Variants in CACNA1A observed in about 807,000 individuals in gnomAD.
The protein encoded by CACNA1A is calcium voltage-gated channel subunit alpha1 A.
Under a neutral mutation model 262.4 loss-of-function variants are expected in CACNA1A, and 57 were observed. The ratio of observed to expected loss-of-function variants is 0.22; its 90% CI spans 0.18 to 0.27. The LOEUF (loss-of-function observed/expected upper bound fraction) is 0.27. CACNA1A is among the 10% of genes least tolerant of loss of function. The pLI is 1.00. For missense variants in CACNA1A, 2,526 were observed against 3,562.8 expected (o/e 0.71, Z 7.41); for synonymous variants, 1,431 against 1,419.3 (o/e 1.01, Z -0.18).
intron 1 of CACNA1A, among the ~76,000 whole-genome samples, chr19:13,468,517 T>C (rs1051034382): frequency 1.4e-4 from 22 of 152,234 alleles, no homozygotes; most frequent in Admixed American, 1.3e-3. Flanking sequence ...TCAGGCGCAG[T>C]GGCTCACACC....
intron 3 of CACNA1A, among the ~76,000 whole-genome samples, chr19:13,440,973 T>C (rs1490836776): frequency 6.6e-6 from 1 of 152,150 alleles, no homozygotes; most frequent in Non-Finnish European, 1.5e-5. Flanking sequence ...ACCCAGATAA[T>C]TTTTGCTTTG....
chr19:13,470,985 A>G (rs780815352), intron 1 of CACNA1A, among the ~76,000 whole-genome samples: 3 of 152,164 alleles, frequency 2.0e-5, no homozygotes, highest in Non-Finnish European at 4.4e-5. Flanking sequence ...AGGTTCTGAA[A>G]TTAGGGGGTT....
chr19:13,416,625 C>T (rs1230304597), intron 3 of CACNA1A, among the ~76,000 whole-genome samples: 1 of 151,934 alleles, frequency 6.6e-6, no homozygotes, highest in African/African-American at 2.4e-5. Flanking sequence ...ACAAGCCTGG[C>T]CGACATGGTA....
At chr19:13,340,339 C>G (rs560997174) in intron 6 of CACNA1A, among the ~76,000 whole-genome samples, 2 of 151,972 alleles carry the variant, frequency 1.3e-5, no homozygotes, top group South Asian at 2.1e-4. Flanking sequence ...TGTTTGAGCT[C>G]ATTTAATCCT....
intron 1 of CACNA1A, among the ~76,000 whole-genome samples, chr19:13,467,841 G>A (rs990660795): frequency 1.3e-5 from 2 of 151,986 alleles, no homozygotes. Flanking sequence ...CTGACCTCAG[G>A]TGATCCACCC....
chr19:13,339,528 A>G lies in CACNA1A; in HGVS notation c.979-3619T>C, dbSNP rs548622858. 2.0e-5 allele frequency among the ~76,000 whole-genome samples: 3 copies of G among 152,308 alleles called. No homozygotes were observed. The East Asian group carries it at 5.8e-4, about 29-fold the overall frequency. ...ATCCTTAAAAATGGTTAGGATGACAACAATATATTAATGGTTTCAAATAGC... is the reference window on the plus strand; with the variant it reads ...ATCCTTAAAAATGGTTAGGATGACAGCAATATATTAATGGTTTCAAATAGC... On this transcript the variant is annotated intron_variant, in intron 6 of 46. Coordinates refer to ENST00000360228, the MANE Select transcript of CACNA1A (RefSeq NM_001127222.2).
intron 7 of CACNA1A, among the ~76,000 whole-genome samples, chr19:13,335,598 C>T (rs1035615044): frequency 6.6e-6 from 1 of 152,080 alleles, no homozygotes; most frequent in Admixed American, 6.6e-5. Context: ...GAAAGTAAAG[C>T]CCATATGAAC....
chr19:13,503,263 C>T lies in CACNA1A; in HGVS notation c.293+2669G>A, dbSNP rs148078839. ...AAATGAACCTTAGAAGTCAGGTGAG[C>T]GGTACCCTTGTTGGGGGAGCAACTA... On this transcript the variant is annotated intron_variant, in intron 1 of 46. Transcript: ENST00000360228. 1.8e-4 allele frequency among the ~76,000 whole-genome samples: 27 copies of T among 152,140 alleles called. 1 individual carries two copies. The East Asian group carries it at 5.0e-3, about 28-fold the overall frequency.
At chr19:13,257,659 G>C (rs1371923279) in intron 27 of CACNA1A, 108 bp from the exon 28 acceptor site, 2 of 556,402 alleles carry the variant, frequency 3.6e-6, no homozygotes, top group Admixed American at 6.7e-5. Flanking sequence ...GGCAGAACAG[G>C]AACAGAGGGA....
Position 13,245,241 on chromosome 19 carries a change from T to C in CACNA1A, c.4891A>G (p.Ile1631Val), listed in dbSNP as rs539463134. 3.0e-5 allele frequency: 49 copies of C among 1,613,974 alleles called. No individual in the cohort carries two copies. The East Asian group carries it at 9.6e-4, about 32-fold the overall frequency. ...CCCAGAACAGTCACAAAGTCGAAGA[T>C]GTTCCAGGCATCGCGGAAATAATTC... ...ILNYFRDAWN[I>V]FDFVTVLGSI... Residue 1631 changes from isoleucine to valine, a missense_variant, in exon 31 of 47, where the codon ATC becomes GTC. This residue lies in a region of CACNA1A where 66 missense variants were observed against 195.8 expected (regional missense o/e 0.34). Transcript: ENST00000360228.
intron 30 of CACNA1A, among the ~76,000 whole-genome samples, chr19:13,247,432 G>A (rs1028185726): frequency 3.9e-5 from 6 of 152,272 alleles, no homozygotes; most frequent in South Asian, 2.1e-4. Flanking sequence ...GGTGGCTCAC[G>A]CCTGCAATCC....
At chr19:13,432,416 A>AAAATAAATAAATAAAT (rs201856945) in intron 3 of CACNA1A, among the ~76,000 whole-genome samples, 1,646 of 144,896 alleles carry the variant, frequency 0.011, 26 homozygotes, top group African/African-American at 0.027. Flanking sequence ...CTCCATCTCA[A>AAAATAAATAAATAAAT]AAATAAATAA....
At chr19:13,489,026 T>TTTTTTTTTTTTTTTG (rs1980421645) in intron 1 of CACNA1A, among the ~76,000 whole-genome samples, 1 of 133,948 alleles carries the variant, frequency 7.5e-6, no homozygotes, top group African/African-American at 3.0e-5. Flanking sequence ...TTTTTTTTTT[T>TTTTTTTTTTTTTTTG]TTTGAGACGG....
At chr19:13,369,445 A>C (rs1045312376) in intron 4 of CACNA1A, among the ~76,000 whole-genome samples, 4 of 152,128 alleles carry the variant, frequency 2.6e-5, no homozygotes, top group Admixed American at 2.6e-4. Flanking sequence ...GCCGTCCCCC[A>C]ATAAAGCAGG....
At chr19:13,317,833 A>C (rs577651358) in intron 10 of CACNA1A, among the ~76,000 whole-genome samples, 4 of 152,334 alleles carry the variant, frequency 2.6e-5, no homozygotes, top group African/African-American at 9.6e-5. Context: ...GCATTTATTG[A>C]GTACCTATTT....
At chr19:13,238,346 C>T (rs747078641) in intron 31 of CACNA1A, among the ~76,000 whole-genome samples, 31 of 152,098 alleles carry the variant, frequency 2.0e-4, no homozygotes, top group South Asian at 4.1e-4. Context: ...TCCTTGTGGT[C>T]TTTTCTTTTC....
chr19:13,302,608 T>C (rs1008624955), intron 17 of CACNA1A, among the ~76,000 whole-genome samples: 2 of 152,220 alleles, frequency 1.3e-5, no homozygotes, highest in Non-Finnish European at 2.9e-5. Context: ...CGAACTGGCC[T>C]TTCTCCCTCC....
intron 3 of CACNA1A, among the ~76,000 whole-genome samples, chr19:13,412,133 C>A (rs1409411491): frequency 6.6e-6 from 1 of 152,082 alleles, no homozygotes; most frequent in Non-Finnish European, 1.5e-5. Flanking sequence ...TGACTTGAGG[C>A]CTCCGTTACT....
At chr19:13,280,213 T>C (rs2057256836) in intron 22 of CACNA1A, among the ~76,000 whole-genome samples, 1 of 152,102 alleles carries the variant, frequency 6.6e-6, no homozygotes, top group African/African-American at 2.4e-5. Context: ...TCTCGCTCTG[T>C]CACCCAGGTT....
Sources: allele counts gnomAD v4.1 joint callset (sites outside exome capture counted in the v4.1 genomes callset), GRCh38; gene constraint gnomAD v4.1.1; regional missense constraint gnomAD v4.1.1; transcripts MANE v1.5; gene names NCBI Gene and HGNC (gene_info 2026-07-23, HGNC 2026-07-21).